COL25A1: variants seen among roughly 807,000 people sequenced by gnomAD.
The protein encoded by COL25A1 is collagen type XXV alpha 1 chain, also known as collagen alpha-1(XXV) chain.
COL25A1 carries 103 observed loss-of-function variants against 128.4 expected under a neutral mutation model. The ratio of observed to expected loss-of-function variants is 0.80; its 90% CI spans 0.68 to 0.94. The LOEUF (loss-of-function observed/expected upper bound fraction) is 0.94, where lower values mean the gene tolerates loss of function less well. Among genes scored for constraint, COL25A1 ranks in the 40% least tolerant of loss-of-function variants. COL25A1 has a pLI of 0.00. For missense variants in COL25A1, 745 were observed against 840.0 expected (o/e 0.89, Z 1.40); for synonymous variants, 279 against 277.2 (o/e 1.01, Z -0.06).
intron 3 of COL25A1, among the ~76,000 whole-genome samples, chr4:109,130,589 C>T (rs563846646): frequency 2.7e-4 from 41 of 152,044 alleles, no homozygotes; most frequent in African/African-American, 9.6e-4. Flanking sequence ...TAAGCTTGAA[C>T]AAAATCATAG....
chr4:109,259,473 C>T (rs1781291383), intron 3 of COL25A1, among the ~76,000 whole-genome samples: 1 of 152,148 alleles, frequency 6.6e-6, no homozygotes, highest in Admixed American at 6.5e-5. Context: ...TAGACAGGAA[C>T]TACAATTCTG....
intron 22 of COL25A1, among the ~76,000 whole-genome samples, chr4:108,862,182 AATTAG>A (rs1737311927): frequency 6.6e-6 from 1 of 152,232 alleles, no homozygotes; most frequent in Non-Finnish European, 1.5e-5. Flanking sequence ...GGAAATGAAA[AATTAG>A]ATTATACAAT....
chr4:108,981,158 C>A (rs1752933906), intron 6 of COL25A1, among the ~76,000 whole-genome samples: 1 of 152,140 alleles, frequency 6.6e-6, no homozygotes, highest in Admixed American at 6.5e-5. Context: ...TAGTGTTTTA[C>A]TTGAAAAATA....
Position 109,258,095 on chromosome 4 carries a change from C to T in COL25A1, c.367+42488G>A, listed in dbSNP as rs116022235. Among the ~76,000 whole-genome samples, 432 of 152,300 alleles carry T rather than the reference C, an allele frequency of 2.8e-3. 1 individual carries two copies. Among genetic ancestry groups the T allele is most frequent in the Admixed American group, 4.8e-3 (73 of 15,302 alleles). ...TTGAGTTCCAGCCCTGCCTTTCCATCCTTCCTGCTCCCACCCAATCTCAGA... is the reference window on the plus strand; with the variant it reads ...TTGAGTTCCAGCCCTGCCTTTCCATTCTTCCTGCTCCCACCCAATCTCAGA... On this transcript the variant is annotated intron_variant, in intron 3 of 37. Transcript: ENST00000399132.
intron 3 of COL25A1, among the ~76,000 whole-genome samples, chr4:109,156,934 G>A (rs561192190): frequency 6.6e-6 from 1 of 152,296 alleles, no homozygotes; most frequent in East Asian, 1.9e-4. Context: ...AGATTTATGT[G>A]AATTTGCAGG....
chr4:108,953,266 T>C lies in COL25A1; in HGVS notation c.493-11829A>G, dbSNP rs1157489683. ...TACTCTTATAGGTACCTTTCTGTACTAGTTCATCTGGTCCTATTCTCCAAC... is the reference window on the plus strand; with the variant it reads ...TACTCTTATAGGTACCTTTCTGTACCAGTTCATCTGGTCCTATTCTCCAAC... On this transcript the variant is annotated intron_variant, in intron 8 of 37. Transcript: ENST00000399132. Among the ~76,000 whole-genome samples the C allele has an allele frequency of 1.1e-4, 17 of 152,180 alleles. 1 individual carries two copies. The highest frequency in any genetic ancestry group is 1.1e-3 in the Admixed American group (17 of 15,268).
rs1553931011 is a variant in COL25A1 at position 109,093,464 on chromosome 4, A to AAAAACAAAAC, written c.368-43286_368-43285insGTTTTGTTTT. The stretch of plus-strand genomic sequence containing the variant: ...GCAAGACTCCATCTCTATGAAAAAA[A>AAAAACAAAAC]AAAAAAAAAAAACCTTTTTTAAATT... On this transcript the variant is annotated intron_variant, in intron 3 of 37. Transcript: ENST00000399132. Among the ~76,000 whole-genome samples the AAAAACAAAAC allele has an allele frequency of 4.3e-4, 56 of 131,488 alleles. 1 individual carries two copies. The highest frequency in any genetic ancestry group is 1.3e-3 in the African/African-American group (48 of 37,474). The allele number at this position is 131,488 out of a possible 152,430, so 86.3% of individuals were successfully genotyped here. A position where few individuals can be genotyped will look rare whatever the true frequency, so the allele number is the denominator to read the frequency against.
intron 3 of COL25A1, among the ~76,000 whole-genome samples, chr4:109,287,131 T>G (rs1467782116): frequency 6.6e-6 from 1 of 152,210 alleles, no homozygotes; most frequent in Non-Finnish European, 1.5e-5. Flanking sequence ...ACTGGAATTA[T>G]GAGTTCAAAT....
chr4:109,001,401 T>TCTGAGATCCTGTCAGGTAGGCAG (rs1423617376), intron 6 of COL25A1, among the ~76,000 whole-genome samples: 51 of 152,206 alleles, frequency 3.4e-4, no homozygotes, highest in Non-Finnish European at 4.7e-4. Context: ...CAGGTAGGCA[T>TCTGAGATCCTGTCAGGTAGGCAG]CTGAGATCCT....
At chr4:108,862,707 T>A (rs1164281325) in intron 21 of COL25A1, among the ~76,000 whole-genome samples, 162 bp from the exon 22 acceptor site, 1 of 152,230 alleles carries the variant, frequency 6.6e-6, no homozygotes, top group African/African-American at 2.4e-5. Flanking sequence ...ATTATAATAC[T>A]AAACATAAGT....
chr4:109,202,499 A>T (rs939900680), intron 3 of COL25A1, among the ~76,000 whole-genome samples: 2 of 152,196 alleles, frequency 1.3e-5, no homozygotes, highest in African/African-American at 2.4e-5. Flanking sequence ...AAAATGCAAC[A>T]CTATAAAACT....
chr4:109,028,816 G>C (rs1007050147), intron 5 of COL25A1, among the ~76,000 whole-genome samples: 1 of 152,210 alleles, frequency 6.6e-6, no homozygotes. Flanking sequence ...GGAGCACCTT[G>C]AAAGAGTGAT....
At chr4:109,121,875 A>G (rs762198820) in intron 3 of COL25A1, among the ~76,000 whole-genome samples, 7 of 152,116 alleles carry the variant, frequency 4.6e-5, no homozygotes, top group Non-Finnish European at 7.4e-5. Context: ...AATAATCAAG[A>G]TGTCCTTCAA....
At chr4:109,127,979 T>C (rs2126064058) in intron 3 of COL25A1, among the ~76,000 whole-genome samples, 1 of 152,172 alleles carries the variant, frequency 6.6e-6, no homozygotes. Flanking sequence ...GCAGGGACGC[T>C]CTTTTTAGGG....
At chr4:109,030,154 A>G (rs1395491740) in intron 5 of COL25A1, among the ~76,000 whole-genome samples, 1 of 152,162 alleles carries the variant, frequency 6.6e-6, no homozygotes, top group Non-Finnish European at 1.5e-5. Context: ...TCAGTGTATC[A>G]CATCCCTCCA....
chr4:108,912,339 C>T (rs994882585), intron 13 of COL25A1, among the ~76,000 whole-genome samples: 1 of 152,200 alleles, frequency 6.6e-6, no homozygotes, highest in East Asian at 1.9e-4. Flanking sequence ...CTAATCTATA[C>T]AATTATTAAT....
chr4:108,986,977 A>C (rs1753716516), intron 6 of COL25A1, among the ~76,000 whole-genome samples: 1 of 152,320 alleles, frequency 6.6e-6, no homozygotes, highest in East Asian at 1.9e-4. Context: ...TAAAAGTAAG[A>C]TTAGCAATTG....
chr4:109,070,811 T>C (rs890157390), intron 3 of COL25A1, among the ~76,000 whole-genome samples: 3 of 151,860 alleles, frequency 2.0e-5, no homozygotes, highest in Non-Finnish European at 4.4e-5. Flanking sequence ...TTGCGATAGT[T>C]TGCTGAGAAT....
intron 3 of COL25A1, among the ~76,000 whole-genome samples, chr4:109,210,737 C>G (rs553160821): frequency 6.6e-6 from 1 of 152,234 alleles, no homozygotes; most frequent in South Asian, 2.1e-4. Flanking sequence ...ATGCCAACAT[C>G]ACTCCATGTT....
Sources: gnomAD v4.1 joint callset for allele counts (sites outside exome capture counted in the v4.1 genomes callset) on GRCh38, gnomAD v4.1.1 for gene constraint, MANE v1.5 for transcripts, NCBI Gene and HGNC (gene_info 2026-07-23, HGNC 2026-07-21) for gene names.